The following KCNQ5 variants were observed in gnomAD, a reference collection of about 807,000 sequenced individuals.
The protein encoded by KCNQ5 is potassium voltage-gated channel subfamily Q member 5, also known as potassium voltage-gated channel subfamily KQT member 5.
A neutral mutation model predicts 98.2 loss-of-function variants in KCNQ5; 30 were observed. The ratio of observed to expected loss-of-function variants is 0.31; its 90% CI spans 0.23 to 0.41. The LOEUF (loss-of-function observed/expected upper bound fraction) is 0.41. Among genes scored for constraint, KCNQ5 ranks in the 10% least tolerant of loss-of-function variants. The probability of loss-of-function intolerance (pLI) is 1.00; values close to 1 mark genes in which losing one functional copy is unlikely to be tolerated. For synonymous variants in KCNQ5, 458 were observed against 449.4 expected, an observed-to-expected ratio of 1.02 and a Z score of -0.24; for missense variants, 835 against 1,182.5, an observed-to-expected ratio of 0.71 and a Z score of 4.31.
At chr6:72,956,861 C>T (rs1219609070) in intron 1 of KCNQ5, among the ~76,000 whole-genome samples, 1 of 152,020 alleles carries the variant, frequency 6.6e-6, no homozygotes, top group African/African-American at 2.4e-5. Context: ...CTTCTGACAT[C>T]TCAGAAGGAC....
chr6:73,183,739 G>A (rs911186550), intron 11 of KCNQ5, among the ~76,000 whole-genome samples: 2 of 152,146 alleles, frequency 1.3e-5, no homozygotes, highest in African/African-American at 4.8e-5. Context: ...GAAGTGAGAG[G>A]GGATTGGGTG....
intron 10 of KCNQ5, 150 bp from the exon 11 acceptor site, chr6:73,169,596 A>G: frequency 1.6e-6 from 1 of 619,430 alleles, no homozygotes; most frequent in Non-Finnish European, 2.9e-6. Flanking sequence ...AGAAAGAATA[A>G]TATTGGCAAG....
intron 1 of KCNQ5, among the ~76,000 whole-genome samples, chr6:72,670,284 A>T (rs1236926881): frequency 6.6e-6 from 1 of 152,170 alleles, no homozygotes. Flanking sequence ...CACTAAGAAG[A>T]TGAAAGCCTT....
At chr6:73,098,644 T>C (rs1386081909) in intron 5 of KCNQ5, among the ~76,000 whole-genome samples, 1 of 152,196 alleles carries the variant, frequency 6.6e-6, no homozygotes, top group Non-Finnish European at 1.5e-5. Flanking sequence ...CCTTGAATAG[T>C]ATATCTGGCA....
chr6:72,960,685 C>T (rs1767299396), intron 1 of KCNQ5, among the ~76,000 whole-genome samples: 2 of 152,214 alleles, frequency 1.3e-5, no homozygotes, highest in Non-Finnish European at 2.9e-5. Context: ...CTCAGTCTCC[C>T]AAAGTGCTGG....
intron 1 of KCNQ5, among the ~76,000 whole-genome samples, chr6:72,843,014 T>C (rs1331282702): frequency 6.6e-6 from 1 of 152,222 alleles, no homozygotes; most frequent in African/African-American, 2.4e-5. Context: ...ATATTGGCTT[T>C]CGTTGCCATT....
At chr6:72,853,469 G>A (rs1233270048) in intron 1 of KCNQ5, among the ~76,000 whole-genome samples, 8 of 152,090 alleles carry the variant, frequency 5.3e-5, no homozygotes, top group South Asian at 2.1e-4. Flanking sequence ...TCAACCACCC[G>A]AGAAGCTGGG....
chr6:72,962,509 A>G (rs1767424923), intron 1 of KCNQ5, among the ~76,000 whole-genome samples: 1 of 152,064 alleles, frequency 6.6e-6, no homozygotes, highest in South Asian at 2.1e-4. Flanking sequence ...TTTAAAATTA[A>G]TAAGTAAAAT....
In KCNQ5 at chr6:72,948,913, T is replaced by TA. The variant is rs549250130; in HGVS notation, c.399-54994dup. Among the ~76,000 whole-genome samples, 19 of 152,322 alleles carry TA rather than the reference T, an allele frequency of 1.2e-4. No individual in the cohort carries two copies. The East Asian group carries it at 2.1e-3, about 17-fold the overall frequency. On this transcript the variant is annotated intron_variant, in intron 1 of 13. Coordinates refer to ENST00000370398, the MANE Select transcript of KCNQ5 (RefSeq NM_019842.4). Reference sequence around the variant, plus strand: ...GTTTTAAACAGCAAACAAATGCACATATACTGTCTTGTTGGAGCCCCATTC... The same window carrying TA: ...GTTTTAAACAGCAAACAAATGCACATAATACTGTCTTGTTGGAGCCCCATTC...
chr6:73,036,063 A>ATT (rs1454479680), intron 2 of KCNQ5, among the ~76,000 whole-genome samples: 1 of 150,386 alleles, frequency 6.6e-6, no homozygotes, highest in East Asian at 2.0e-4. Flanking sequence ...ACTTGCAGAG[A>ATT]TTAGTATATC....
intron 5 of KCNQ5, among the ~76,000 whole-genome samples, chr6:73,097,352 A>T (rs1361232451): frequency 6.6e-6 from 1 of 151,906 alleles, no homozygotes; most frequent in Non-Finnish European, 1.5e-5. Flanking sequence ...CTTATTGCAG[A>T]TCATCTCATG....
At chr6:72,902,241 G>C (rs1221344536) in intron 1 of KCNQ5, among the ~76,000 whole-genome samples, 2 of 152,170 alleles carry the variant, frequency 1.3e-5, no homozygotes, top group East Asian at 3.8e-4. Context: ...GAACTTTCTG[G>C]AGAAGTCTTT....
intron 1 of KCNQ5, among the ~76,000 whole-genome samples, chr6:72,973,430 A>C (rs1768000346): frequency 6.6e-6 from 1 of 152,118 alleles, no homozygotes; most frequent in East Asian, 1.9e-4. Context: ...CTGGAGGGAA[A>C]GGATTTTGTA....
chr6:72,787,796 T>C (rs891371541), intron 1 of KCNQ5, among the ~76,000 whole-genome samples: 5 of 152,158 alleles, frequency 3.3e-5, no homozygotes, highest in African/African-American at 1.2e-4. Flanking sequence ...CTTAATCAGC[T>C]CCTCTATTGA....
intron 1 of KCNQ5, among the ~76,000 whole-genome samples, chr6:72,976,292 A>C (rs1367393928): frequency 6.6e-6 from 1 of 152,216 alleles, no homozygotes; most frequent in Non-Finnish European, 1.5e-5. Flanking sequence ...CGGAAAAATG[A>C]TTCCGGCCAG....
intron 11 of KCNQ5, among the ~76,000 whole-genome samples, chr6:73,174,651 T>C (rs1369962692): frequency 2.0e-5 from 3 of 152,144 alleles, no homozygotes; most frequent in Non-Finnish European, 4.4e-5. Context: ...CCACCCTCCC[T>C]GAAGCTGCTA....
intron 1 of KCNQ5, among the ~76,000 whole-genome samples, chr6:72,953,568 G>C (rs1200489533): frequency 6.6e-6 from 1 of 152,074 alleles, no homozygotes; most frequent in African/African-American, 2.4e-5. Flanking sequence ...CAGAATAAGA[G>C]CTCCTCTCTT....
intron 1 of KCNQ5, among the ~76,000 whole-genome samples, chr6:72,959,073 GA>G (rs1562093876): frequency 6.6e-6 from 1 of 152,092 alleles, no homozygotes; most frequent in Non-Finnish European, 1.5e-5. Flanking sequence ...TTTCCCTCTC[GA>G]AAATATGAAC....
At chr6:72,812,035 C>A (rs889954587) in intron 1 of KCNQ5, among the ~76,000 whole-genome samples, 1 of 152,100 alleles carries the variant, frequency 6.6e-6, no homozygotes, top group African/African-American at 2.4e-5. Context: ...CCTGACGTTG[C>A]CATGGTATTT....
Sources: gnomAD v4.1 joint callset for allele counts (sites outside exome capture counted in the v4.1 genomes callset) on GRCh38, gnomAD v4.1.1 for gene constraint, MANE v1.5 for transcripts, NCBI Gene and HGNC (gene_info 2026-07-23, HGNC 2026-07-21) for gene names.